CDK13: variants seen among roughly 807,000 people sequenced by gnomAD.
The protein encoded by CDK13 is cyclin dependent kinase 13.
A neutral mutation model predicts 137.6 loss-of-function variants in CDK13; 40 were observed. That is an observed-to-expected ratio of 0.29 (90% confidence interval 0.23 to 0.38). The LOEUF (loss-of-function observed/expected upper bound fraction) is 0.38. CDK13 is among the 10% of genes least tolerant of loss of function. The pLI is 1.00. For missense variants in CDK13, 1,704 were observed against 1,951.8 expected (o/e 0.87, Z 2.39); for synonymous variants, 869 against 760.1 (o/e 1.14, Z -2.36).
In CDK13 at chr7:40,095,806, G is replaced by A. The variant is rs1787034718; in HGVS notation, c.*826G>A. ...GGGGCTGCCTGTTCAGTTCCTGTTA[G>A]GTCCATTCCCTCTGCTTGTCACACT... On this transcript the variant is annotated 3_prime_UTR_variant, in exon 14 of 14. Transcript: ENST00000181839. 6.6e-6 allele frequency: 1 copy of A among 152,158 alleles called. No homozygotes were observed. Among genetic ancestry groups the A allele is most frequent in the Admixed American group, 6.6e-5 (1 of 15,264 alleles). The allele number at this position is 152,158 out of a possible 1,614,324, so 9.4% of individuals were successfully genotyped here.
chr7:39,997,659 G>A lies in CDK13; in HGVS notation c.2037G>A (p.Arg679=). The A allele has an allele frequency of 6.2e-7, 1 of 1,611,698 alleles. No homozygotes were observed. The highest frequency in any genetic ancestry group is 8.5e-7 in the Non-Finnish European group (1 of 1,179,000). Residue 679 remains arginine (R), a synonymous_variant, in exon 3 of 14, where the codon AGG becomes AGA. Coordinates refer to ENST00000181839, the MANE Select transcript of CDK13 (RefSeq NM_003718.5). ...CAACACAGTTACATAGTAAAAGGAG[G>A]CCTAAGTATGTGCTTGCTTTCTACC... ...KTATQLHSKR[R]PKICGPRYGE...
In CDK13 at chr7:40,084,943, C is replaced by G. The variant is rs1584087111; in HGVS notation, c.3030-3183C>G. ...AGAAAGCAAATAAAAGTTTGGTTAT[C>G]TGGAAGACATTCCTGATCCATCTGA... On this transcript the variant is annotated intron_variant, in intron 11 of 13. Coordinates refer to ENST00000181839, the MANE Select transcript of CDK13 (RefSeq NM_003718.5). 1.3e-5 allele frequency among the ~76,000 whole-genome samples: 2 copies of G among 152,328 alleles called. 1 individual carries two copies. The highest frequency in any genetic ancestry group is 4.1e-4 in the South Asian group (2 of 4,830).
At chr7:40,010,849 A>G (rs1247012962) in intron 5 of CDK13, among the ~76,000 whole-genome samples, 1 of 152,216 alleles carries the variant, frequency 6.6e-6, no homozygotes, top group Non-Finnish European at 1.5e-5. Flanking sequence ...AAGATGCAGA[A>G]ATTGATTGTT....
At position 40,049,407 on chromosome 7, in the gene CDK13, G is replaced by GTT. The variant is rs552235821; in HGVS notation, c.2600+1542_2600+1543dup. ...TATTTTAGGAAAGGGTTGTATGAGT[G>GTT]TTTTTTTTTTTTTGAAGTTTAAAAC... On this transcript the variant is annotated intron_variant, in intron 7 of 13. Coordinates refer to ENST00000181839, the MANE Select transcript of CDK13 (RefSeq NM_003718.5). Among the ~76,000 whole-genome samples the GTT allele has an allele frequency of 3.5e-3, 485 of 139,756 alleles. 5 individuals carry two copies. Among genetic ancestry groups the GTT allele is most frequent in the African/African-American group, 0.011 (438 of 39,270 alleles). The allele number at this position is 139,756 out of a possible 152,430, so 91.7% of individuals were successfully genotyped here. A position where few individuals can be genotyped will look rare whatever the true frequency, so the allele number is the denominator to read the frequency against.
At chr7:40,022,247 C>T (rs901745207) in intron 5 of CDK13, among the ~76,000 whole-genome samples, 1 of 152,178 alleles carries the variant, frequency 6.6e-6, no homozygotes, top group African/African-American at 2.4e-5. Context: ...TCTCTTTTGC[C>T]ATTTCAGGGA....
At chr7:40,045,495 A>G (rs193296782) in intron 5 of CDK13, among the ~76,000 whole-genome samples, 1 of 147,054 alleles carries the variant, frequency 6.8e-6, no homozygotes, top group Admixed American at 6.8e-5. Context: ...TTGATAAACT[A>G]TATTGACTTT....
rs1032832094 is a variant in CDK13, at chr7:40,063,220, T to C, written c.2780+120T>C. 5.6e-6 allele frequency: 4 copies of C among 719,624 alleles called. No individual in the cohort carries two copies. The African/African-American group carries it at 7.1e-5, about 13-fold the overall frequency. The allele number at this position is 719,624 out of a possible 1,614,324, so 44.6% of individuals were successfully genotyped here. A position where few individuals can be genotyped will look rare whatever the true frequency, so the allele number is the denominator to read the frequency against. ...ACAACATGGTTCTCTGGAGGGCTTA[T>C]GACTGCTAAATGGAGGACAAACTGA... On this transcript the variant is annotated intron_variant, in intron 9 of 13. Transcript: ENST00000181839.
intron 9 of CDK13, among the ~76,000 whole-genome samples, chr7:40,065,932 T>TA (rs1253325465): frequency 1.3e-5 from 2 of 152,196 alleles, no homozygotes; most frequent in Non-Finnish European, 2.9e-5. Context: ...CTCATGCCTG[T>TA]AATCTCCGCA....
rs750596239 is a variant in CDK13 at position 40,097,491 on chromosome 7, TAGAAC to T, written c.*2513_*2517del. 12 of 152,234 alleles carry T rather than the reference TAGAAC, an allele frequency of 7.9e-5. No homozygotes were observed. The East Asian group carries it at 9.6e-4, about 12-fold the overall frequency. 9.4% of individuals were successfully genotyped at this position (152,234 alleles called of 1,614,324 possible). A position where few individuals can be genotyped will look rare whatever the true frequency, so the allele number is the denominator to read the frequency against. ...TTTTAATTCAGTGAATTTGGATTAA[TAGAAC>T]AAAGTTGGGAAATCACTAGTTCTGT... On this transcript the variant is annotated 3_prime_UTR_variant, in exon 14 of 14. Transcript: ENST00000181839.
intron 12 of CDK13, among the ~76,000 whole-genome samples, chr7:40,089,799 T>C (rs767741001): frequency 6.6e-6 from 1 of 151,534 alleles, no homozygotes; most frequent in Non-Finnish European, 1.5e-5. Context: ...TAGCACTTCT[T>C]AAGAGATGAG....
At chr7:40,021,980 TGTA>T in intron 5 of CDK13, among the ~76,000 whole-genome samples, 1 of 152,320 alleles carries the variant, frequency 6.6e-6, no homozygotes, top group African/African-American at 2.4e-5. Flanking sequence ...CACTCCCAGT[TGTA>T]GTGTCATTAA....
intron 5 of CDK13, among the ~76,000 whole-genome samples, chr7:40,006,366 T>G (rs1784796188): frequency 6.6e-6 from 1 of 152,254 alleles, no homozygotes; most frequent in Non-Finnish European, 1.5e-5. Context: ...TGGATGGAGA[T>G]GCATTTGCTG....
At chr7:40,015,827 G>T (rs762315602) in intron 5 of CDK13, among the ~76,000 whole-genome samples, 1 of 152,154 alleles carries the variant, frequency 6.6e-6, no homozygotes, top group Non-Finnish European at 1.5e-5. Context: ...GACTAGCTGT[G>T]AGTAATTGGT....
chr7:39,975,799 C>A (rs929778978), intron 1 of CDK13, among the ~76,000 whole-genome samples: 1 of 152,100 alleles, frequency 6.6e-6, no homozygotes. Flanking sequence ...AGATGGAAGG[C>A]GGTTTAGGCC....
rs941680855 is a variant in CDK13, at chr7:39,981,224, C to T, written c.1212-6375C>T. ...CCCTGCAAAACATACAAAAATTAGT[C>T]GAGTGTGGTGGTGCGCGCCTGTAGT... On this transcript the variant is annotated intron_variant, in intron 1 of 13. Transcript: ENST00000181839. Among the ~76,000 whole-genome samples, 8 of 151,874 alleles carry T rather than the reference C, an allele frequency of 5.3e-5. 1 individual carries two copies. Among genetic ancestry groups the T allele is most frequent in the Admixed American group, 3.3e-4 (5 of 15,216 alleles).
At chr7:40,015,487 C>G (rs1207587482) in intron 5 of CDK13, among the ~76,000 whole-genome samples, 2 of 152,104 alleles carry the variant, frequency 1.3e-5, no homozygotes, top group African/African-American at 4.8e-5. Flanking sequence ...GTAATAATGA[C>G]TAACTCACAG....
intron 5 of CDK13, among the ~76,000 whole-genome samples, chr7:40,005,751 A>AG (rs1480766589): frequency 6.6e-6 from 1 of 152,180 alleles, no homozygotes; most frequent in Non-Finnish European, 1.5e-5. Flanking sequence ...TCTTTGAGAC[A>AG]GGGTCTCATT....
intron 5 of CDK13, among the ~76,000 whole-genome samples, chr7:40,023,546 C>T (rs1444722201): frequency 6.6e-6 from 1 of 151,120 alleles, no homozygotes; most frequent in African/African-American, 2.4e-5. Flanking sequence ...GTCACCCGGG[C>T]TGGAGTGCAG....
rs750870466 is a variant in CDK13, at chr7:40,095,037, A to G, written c.*57A>G. ...ATCTGGAAAGACTTTTCTAGCTGCA[A>G]TTTAAGGCAGCAATCCAAGAGACTT... On this transcript the variant is annotated 3_prime_UTR_variant, in exon 14 of 14. Coordinates refer to ENST00000181839, the MANE Select transcript of CDK13 (RefSeq NM_003718.5). The G allele has an allele frequency of 7.6e-7, 1 of 1,317,894 alleles. No individual in the cohort carries two copies. The highest frequency in any genetic ancestry group is 2.9e-5 in the South Asian group (1 of 34,182). 81.6% of individuals were successfully genotyped at this position (1,317,894 alleles called of 1,614,324 possible). A position where few individuals can be genotyped will look rare whatever the true frequency, so the allele number is the denominator to read the frequency against.
Sources: gnomAD v4.1 joint callset for allele counts (sites outside exome capture counted in the v4.1 genomes callset) on GRCh38, gnomAD v4.1.1 for gene constraint, MANE v1.5 for transcripts, NCBI Gene and HGNC (gene_info 2026-07-23, HGNC 2026-07-21) for gene names.